The following UBXN6 variants were observed in gnomAD, a reference collection of about 807,000 sequenced individuals.
The protein encoded by UBXN6 is UBX domain-containing protein 6.
Under a neutral mutation model 51.4 loss-of-function variants are expected in UBXN6, and 44 were observed. The observed-to-expected ratio is 0.86, with a 90% CI of 0.67 to 1.10. The LOEUF is 1.10. Among genes scored for constraint, UBXN6 ranks in the 50% least tolerant of loss-of-function variants. The pLI is 0.00. For missense variants in UBXN6, 672 were observed against 596.1 expected (o/e 1.13, Z -1.32); for synonymous variants, 316 against 263.2 (o/e 1.20, Z -1.94).
At chr19:4,455,246 G>A (rs1974724592) in intron 1 of UBXN6, 3 of 985,362 alleles carry the variant, frequency 3.0e-6, no homozygotes, top group African/African-American at 1.7e-5. Flanking sequence ...CTGTGCCGTA[G>A]GTCTATTAAA....
In UBXN6 at chr19:4,446,630, C is replaced by T. The variant is rs770255930; in HGVS notation, c.790G>A (p.Glu264Lys). The T allele has an allele frequency of 2.2e-5, 36 of 1,612,430 alleles. No individual in the cohort carries two copies. In the Admixed American group the frequency reaches 4.7e-4, roughly 21 times the overall value. The part of the protein sequence containing the change: ...ERHKEQLLAA[E>K]PVRAKLDRQR... ...CTGTCCAGCTTGGCGCGCACGGGCTCCGCAGCCAGCAGCTGTTCCTTGTGC... is the reference window on the plus strand; with the variant it reads ...CTGTCCAGCTTGGCGCGCACGGGCTTCGCAGCCAGCAGCTGTTCCTTGTGC... The change falls in exon 8 of 11, where the codon GAG becomes AAG. Residue 264 changes from glutamate to lysine, a missense_variant. Glu to Lys is a moderately conservative substitution (Grantham distance 56). Transcript: ENST00000301281.
At chr19:4,453,234 T>C (rs1974684157) in intron 3 of UBXN6, among the ~76,000 whole-genome samples, 1 of 152,182 alleles carries the variant, frequency 6.6e-6, no homozygotes, top group African/African-American at 2.4e-5. Flanking sequence ...GATGGGCTCG[T>C]GTACCTGAGG....
At chr19:4,446,228 G>C in intron 9 of UBXN6, 31 bp from the exon 10 acceptor site, 2 of 1,579,552 alleles carry the variant, frequency 1.3e-6, no homozygotes, top group Non-Finnish European at 1.7e-6. Flanking sequence ...AGCGGGTGGG[G>C]CCCAGGGCCC....
intron 6 of UBXN6, chr19:4,447,170 G>A: frequency 1.7e-6 from 1 of 592,578 alleles, no homozygotes; most frequent in Non-Finnish European, 3.0e-6. Flanking sequence ...TGAGGAGCCA[G>A]ACACTGCTGG....
intron 4 of UBXN6, among the ~76,000 whole-genome samples, chr19:4,451,921 G>A (rs543288261): frequency 6.6e-6 from 1 of 152,110 alleles, no homozygotes; most frequent in African/African-American, 2.4e-5. Flanking sequence ...AGGCTGAGGC[G>A]GGTTGATCAC....
rs1303569635 is a variant in UBXN6, at chr19:4,447,482, C to T, written c.615+68G>A. ...GAGCCCACCGCCTGGTGTGGGCCACCACCGGCTCCTGCAGGCCAGCTGCCC... is the reference window on the plus strand; with the variant it reads ...GAGCCCACCGCCTGGTGTGGGCCACTACCGGCTCCTGCAGGCCAGCTGCCC... On this transcript the variant is annotated intron_variant, in intron 6 of 10. Coordinates refer to ENST00000301281, the MANE Select transcript of UBXN6 (RefSeq NM_025241.3). The T allele has an allele frequency of 3.2e-6, 5 of 1,575,114 alleles. No homozygotes were observed. In the Admixed American group the frequency reaches 6.7e-5, roughly 21 times the overall value.
chr19:4,453,608 G>A (rs998581955), intron 2 of UBXN6, 86 bp from the exon 3 acceptor site: 1 of 1,505,482 alleles, frequency 6.6e-7, no homozygotes, highest in Non-Finnish European at 9.0e-7. Context: ...TCCCGGGGTG[G>A]GCCTGGGGGC....
Position 4,446,281 on chromosome 19 carries a change from A to C in UBXN6, c.1051+2T>G. 1 of 1,570,918 alleles carries C rather than the reference A, an allele frequency of 6.4e-7. No individual in the cohort carries two copies. Among genetic ancestry groups the C allele is most frequent in the African/African-American group, 1.3e-5 (1 of 74,372 alleles). On this transcript the variant is annotated splice_donor_variant, in intron 9 of 10. Coordinates refer to ENST00000301281, the MANE Select transcript of UBXN6 (RefSeq NM_025241.3). LOFTEE classifies it high-confidence loss of function. ...CCCTCCACGGGCATCGTTGGTGCCCACCCTGCAGGAGGCAGCCATCGGGGA... is the reference window on the plus strand; with the variant it reads ...CCCTCCACGGGCATCGTTGGTGCCCCCCCTGCAGGAGGCAGCCATCGGGGA...
chr19:4,447,642 A>T lies in UBXN6; in HGVS notation c.540-17T>A, dbSNP rs1408699288. 1 of 1,613,520 alleles carries T rather than the reference A, an allele frequency of 6.2e-7. No individual in the cohort carries two copies. The highest frequency in any genetic ancestry group is 1.7e-5 in the Admixed American group (1 of 59,998). On this transcript the variant is annotated splice_polypyrimidine_tract_variant and intron_variant, in intron 5 of 10. Coordinates refer to ENST00000301281, the MANE Select transcript of UBXN6 (RefSeq NM_025241.3). ...TCCAGGTACCTGGGGTAGGTGGAGA[A>T]GGTGAGTGGGGCACAGCCCAGGCTG...
intron 1 of UBXN6, among the ~76,000 whole-genome samples, chr19:4,455,970 TAGA>T (rs1375446512): frequency 6.6e-6 from 1 of 152,030 alleles, no homozygotes; most frequent in African/African-American, 2.4e-5. Context: ...CGGCTCCCTC[TAGA>T]AGGTGAGCCC....
At position 4,446,483 on chromosome 19, in the gene UBXN6, G is replaced by T. The variant is rs750616649; in HGVS notation, c.920+17C>A. ...ACCCCGCCCCGCCCCACTCTGCTCC[G>T]CGGACGTCAGGCCCACCTGAGCCTC... On this transcript the variant is annotated intron_variant, in intron 8 of 10. Transcript: ENST00000301281. 3.1e-6 allele frequency: 5 copies of T among 1,599,802 alleles called. No homozygotes were observed. Among genetic ancestry groups the T allele is most frequent in the Non-Finnish European group, 3.4e-6 (4 of 1,175,530 alleles).
chr19:4,455,859 C>T (rs1599682555), intron 1 of UBXN6, among the ~76,000 whole-genome samples: 2 of 152,216 alleles, frequency 1.3e-5, no homozygotes, highest in Admixed American at 1.3e-4. Flanking sequence ...CTTCCCAAAC[C>T]ACCTGACGGC....
rs1013966308 is a variant in UBXN6 at position 4,447,720 on chromosome 19, C to T, written c.540-95G>A. 25 of 1,300,364 alleles carry T rather than the reference C, an allele frequency of 1.9e-5. No individual in the cohort carries two copies. The Middle Eastern group carries it at 1.1e-3, about 58-fold the overall frequency. 80.6% of individuals were successfully genotyped at this position (1,300,364 alleles called of 1,614,324 possible). A position where few individuals can be genotyped will look rare whatever the true frequency, so the allele number is the denominator to read the frequency against. Reference sequence around the variant, plus strand: ...TCCAGGTAACAGCAGCTCAGCCACACTTGGCCTCTAGTCAGAGGGAAGAAG... The same window carrying T: ...TCCAGGTAACAGCAGCTCAGCCACATTTGGCCTCTAGTCAGAGGGAAGAAG... On this transcript the variant is annotated intron_variant, in intron 5 of 10. Coordinates refer to ENST00000301281, the MANE Select transcript of UBXN6 (RefSeq NM_025241.3).
chr19:4,456,561 CCA>C (rs1974742238), intron 1 of UBXN6, among the ~76,000 whole-genome samples: 1 of 152,082 alleles, frequency 6.6e-6, no homozygotes, highest in Admixed American at 6.6e-5. Context: ...CCCCAGCTCT[CCA>C]GTTTCCCTTT....
At chr19:4,455,120 A>T in intron 1 of UBXN6, 1 of 800,750 alleles carries the variant, frequency 1.2e-6, no homozygotes, top group Non-Finnish European at 1.5e-6. Context: ...CACGTGGCAC[A>T]GTGACCTGGC....
intron 1 of UBXN6, chr19:4,455,563 C>T: frequency 6.5e-6 from 1 of 153,082 alleles, no homozygotes; most frequent in Non-Finnish European, 1.5e-5. Context: ...CTCCACTGCA[C>T]AACGCCCTCC....
At chr19:4,456,603 C>T (rs964442924) in intron 1 of UBXN6, among the ~76,000 whole-genome samples, 1 of 152,138 alleles carries the variant, frequency 6.6e-6, no homozygotes, top group Non-Finnish European at 1.5e-5. Flanking sequence ...AGCCTTGCAC[C>T]TTCCCTAGCT....
At chr19:4,454,122 T>C in intron 1 of UBXN6, 29 bp from the exon 2 acceptor site, 3 of 1,501,246 alleles carry the variant, frequency 2.0e-6, no homozygotes, top group Non-Finnish European at 2.7e-6. Flanking sequence ...AGAGTGAGTG[T>C]ATCCTCCCGA....
At chr19:4,452,614 T>C (rs1302069078) in intron 3 of UBXN6, 122 bp from the exon 4 acceptor site, 4 of 1,349,428 alleles carry the variant, frequency 3.0e-6, no homozygotes, top group Non-Finnish European at 3.9e-6. Context: ...TGCTGTCCCT[T>C]CCACCTGGTG....
Sources: gnomAD v4.1 joint callset for allele counts (sites outside exome capture counted in the v4.1 genomes callset) on GRCh38, gnomAD v4.1.1 for gene constraint, MANE v1.5 for transcripts, NCBI Gene and HGNC (gene_info 2026-07-23, HGNC 2026-07-21) for gene names.